The following MGA variants were observed in gnomAD, a reference collection of about 807,000 sequenced individuals.
MGA encodes the protein MAX dimerization protein MGA.
Under a neutral mutation model 261.1 loss-of-function variants are expected in MGA, and 40 were observed. That is an observed-to-expected ratio of 0.15 (90% confidence interval 0.12 to 0.20). MGA has a LOEUF of 0.20. MGA is among the 10% of genes least tolerant of loss of function. The pLI is 1.00. For missense variants in MGA, 3,397 were observed against 3,630.5 expected (o/e 0.94, Z 1.65); for synonymous variants, 1,302 against 1,290.6 (o/e 1.01, Z -0.19).
At chr15:41,763,043 T>A (rs988003792) in intron 22 of MGA, among the ~76,000 whole-genome samples, 1 of 151,956 alleles carries the variant, frequency 6.6e-6, no homozygotes, top group Non-Finnish European at 1.5e-5. Flanking sequence ...AATGGGAAAT[T>A]TTTTGTAAAA....
rs1555424370 is a variant in MGA at position 41,718,286 on chromosome 15, A to AAT, written c.3430+4790_3430+4791insAT. 6.2e-3 allele frequency: 1,300 copies of AAT among 209,492 alleles called. 15 individuals carry two copies. The highest frequency in any genetic ancestry group is 9.7e-3 in the Non-Finnish European group (1,070 of 110,682). The allele number at this position is 209,492 out of a possible 1,614,324, so 13.0% of individuals were successfully genotyped here. On this transcript the variant is annotated intron_variant, in intron 9 of 23. Coordinates refer to ENST00000219905, the MANE Select transcript of MGA (RefSeq NM_001164273.2). Reference sequence around the variant, plus strand: ...ATCTTGATATATGTAGTGTATATGTAGTGTGTGTGTGTGTGTATATATATA... The same window carrying AAT: ...ATCTTGATATATGTAGTGTATATGTAATGTGTGTGTGTGTGTGTATATATATA...
In MGA at chr15:41,742,732, G is replaced by A. The variant is rs1357658676; in HGVS notation, c.4772G>A (p.Ser1591Asn). The A allele has an allele frequency of 6.2e-7, 1 of 1,613,978 alleles. No individual in the cohort carries two copies. The highest frequency in any genetic ancestry group is 1.3e-5 in the African/African-American group (1 of 75,028). ...TCTTCTGAGCCAGTTCAGGTGTGCA[G>A]CCCTGTGACTGCTGCTGTCACTACT... The change falls in exon 15 of 24, where the codon AGC (serine) becomes AAC (asparagine). Residue 1591 changes from serine (S) to asparagine (N), a missense_variant. This residue lies in a region of MGA where 1,410 missense variants were observed against 1,386.4 expected (regional missense o/e 1.02). Transcript: ENST00000219905.
intron 1 of MGA, among the ~76,000 whole-genome samples, chr15:41,665,443 G>A (rs986805548): frequency 2.6e-5 from 4 of 151,660 alleles, no homozygotes; most frequent in African/African-American, 9.7e-5. Flanking sequence ...CTGGAGTGCA[G>A]TGGCACCATC....
intron 1 of MGA, among the ~76,000 whole-genome samples, chr15:41,646,020 G>T (rs1255090585): frequency 6.6e-6 from 1 of 152,198 alleles, no homozygotes; most frequent in Non-Finnish European, 1.5e-5. Flanking sequence ...TAAATAGTGG[G>T]TGTGGGTGGT....
intron 11 of MGA, among the ~76,000 whole-genome samples, chr15:41,731,736 A>C (rs1357770092): frequency 6.6e-6 from 1 of 152,230 alleles, no homozygotes; most frequent in Non-Finnish European, 1.5e-5. Flanking sequence ...ACACTATGCC[A>C]TTTGATTCCA....
At chr15:41,728,381 C>A (rs1395557359) in intron 10 of MGA, among the ~76,000 whole-genome samples, 1 of 152,146 alleles carries the variant, frequency 6.6e-6, no homozygotes, top group Admixed American at 6.6e-5. Flanking sequence ...GGCCGCTGAT[C>A]TCCACGCAGT....
chr15:41,664,816 GT>G (rs1276362889), intron 1 of MGA, among the ~76,000 whole-genome samples: 1 of 151,870 alleles, frequency 6.6e-6, no homozygotes, highest in Non-Finnish European at 1.5e-5. Context: ...GTTTAGTTTT[GT>G]TTTGTCAGTC....
At chr15:41,678,664 G>T (rs1358227961) in intron 2 of MGA, among the ~76,000 whole-genome samples, 1 of 151,536 alleles carries the variant, frequency 6.6e-6, no homozygotes, top group Admixed American at 6.6e-5. Context: ...CTACTCAGGA[G>T]GCTGAGGCAG....
intron 1 of MGA, among the ~76,000 whole-genome samples, chr15:41,664,092 G>A (rs1390516931): frequency 2.0e-5 from 3 of 152,106 alleles, no homozygotes; most frequent in Non-Finnish European, 4.4e-5. Context: ...TTAATTCAAT[G>A]CATTTTCATC....
chr15:41,625,404 A>T (rs897405494), intron 1 of MGA, among the ~76,000 whole-genome samples: 1 of 151,874 alleles, frequency 6.6e-6, no homozygotes, highest in East Asian at 1.9e-4. Flanking sequence ...AAATTGAACA[A>T]GGCTGATACA....
At chr15:41,698,698 A>G (rs184522471) in intron 3 of MGA, among the ~76,000 whole-genome samples, 165 bp from the exon 4 acceptor site, 236 of 152,334 alleles carry the variant, frequency 1.5e-3, no homozygotes, top group Admixed American at 3.8e-3. Flanking sequence ...ACACTTAGAA[A>G]ATATCAAAAA....
chr15:41,766,745 C>G lies in MGA; in HGVS notation c.8663C>G (p.Pro2888Arg). 1 of 1,613,926 alleles carries G rather than the reference C, an allele frequency of 6.2e-7. No homozygotes were observed. Among genetic ancestry groups the G allele is most frequent in the African/African-American group, 1.3e-5 (1 of 75,010 alleles). The stretch of plus-strand genomic sequence containing the variant: ...TTGGGAACTGGTTTGAAAGAGTTGC[C>G]TGATGTTCAAGGGGAGAGTGACTCT... The change falls in exon 24 of 24, where the codon CCT becomes CGT. Residue 2888 changes from proline to arginine, a missense_variant. Around this residue, in one of 9 missense-constraint regions of MGA, gnomAD observed 647 missense variants for 642.4 expected, o/e 1.01. Coordinates refer to ENST00000219905, the MANE Select transcript of MGA (RefSeq NM_001164273.2).
At chr15:41,676,578 TC>T (rs1413026352) in intron 2 of MGA, among the ~76,000 whole-genome samples, 2 of 152,228 alleles carry the variant, frequency 1.3e-5, no homozygotes, top group African/African-American at 4.8e-5. Flanking sequence ...CATTGTACAT[TC>T]TATGGCAGGC....
intron 5 of MGA, among the ~76,000 whole-genome samples, chr15:41,700,192 C>A (rs1234674481): frequency 6.6e-6 from 1 of 151,882 alleles, no homozygotes; most frequent in African/African-American, 2.4e-5. Context: ...CTACAGGCGC[C>A]TGCTACCATG....
At chr15:41,707,360 A>G (rs1447254440) in intron 5 of MGA, among the ~76,000 whole-genome samples, 2 of 152,172 alleles carry the variant, frequency 1.3e-5, no homozygotes, top group Non-Finnish European at 2.9e-5. Flanking sequence ...CCCTCAGCTC[A>G]TTGGCAAAAT....
chr15:41,678,385 C>T (rs577431024), intron 2 of MGA, among the ~76,000 whole-genome samples: 3 of 151,868 alleles, frequency 2.0e-5, no homozygotes, highest in Admixed American at 6.6e-5. Context: ...GCCACCACGC[C>T]GGAGTGTTTT....
rs2063804004 is a variant in MGA, at chr15:41,766,490, C to T, written c.8408C>T (p.Ala2803Val). The change falls in exon 24 of 24, where the codon GCT (alanine) becomes GTT (valine). Residue 2803 changes from alanine (A) to valine (V), a missense_variant. Physicochemically the swap from Ala to Val is moderately conservative, Grantham distance 64. Coordinates refer to ENST00000219905, the MANE Select transcript of MGA (RefSeq NM_001164273.2). ...GTAACATCAGCTATAGAGGAAGCAG[C>T]TCTTGATTCCAGTGAACTGCTGACT... 1.2e-6 allele frequency: 2 copies of T among 1,613,966 alleles called. No homozygotes were observed. The highest frequency in any genetic ancestry group is 1.3e-5 in the African/African-American group (1 of 75,034).
chr15:41,666,843 A>G (rs1305449321), intron 1 of MGA, among the ~76,000 whole-genome samples: 1 of 152,248 alleles, frequency 6.6e-6, no homozygotes, highest in Non-Finnish European at 1.5e-5. Flanking sequence ...ATCATTTATC[A>G]CAGGTGTGTG....
chr15:41,694,164 T>C (rs1380423919), intron 2 of MGA, among the ~76,000 whole-genome samples: 1 of 152,104 alleles, frequency 6.6e-6, no homozygotes, highest in Non-Finnish European at 1.5e-5. Flanking sequence ...ACACCTGTAA[T>C]CCCAACACTT....
Sources: gnomAD v4.1 joint callset for allele counts (sites outside exome capture counted in the v4.1 genomes callset) on GRCh38, gnomAD v4.1.1 for gene constraint, gnomAD v4.1.1 regional missense constraint, MANE v1.5 for transcripts, NCBI Gene and HGNC (gene_info 2026-07-23, HGNC 2026-07-21) for gene names.